SPMIP2: variants seen among roughly 807,000 people sequenced by gnomAD.
The protein encoded by SPMIP2 is protein SPMIP2.
At chr4:158,905,710 A>C in the SPMIP2 span, 11 of 132,374 alleles carry the variant, frequency 8.3e-5, no homozygotes, top group Non-Finnish European at 1.7e-4. Context: ...AAAAAAAAAA[A>C]CAACCTAATT....
At chr4:158,971,428 GTCT>G in the SPMIP2 span, among the ~76,000 whole-genome samples, 4 of 152,270 alleles carry the variant, frequency 2.6e-5, no homozygotes, top group East Asian at 5.8e-4. Flanking sequence ...TCAGAAACTG[GTCT>G]TCTTTGGAAT....
the SPMIP2 span, among the ~76,000 whole-genome samples, chr4:158,998,345 T>C: frequency 6.6e-6 from 1 of 152,256 alleles, no homozygotes; most frequent in Middle Eastern, 3.2e-3. Flanking sequence ...ATCTCCTTCT[T>C]GCATATTTTA....
chr4:158,910,968 T>TA, the SPMIP2 span, among the ~76,000 whole-genome samples: 2 of 152,176 alleles, frequency 1.3e-5, no homozygotes, highest in Non-Finnish European at 2.9e-5. Context: ...AATGATATGG[T>TA]ATGATAACCC....
At chr4:158,898,777 C>G in the SPMIP2 span, among the ~76,000 whole-genome samples, 13 of 152,200 alleles carry the variant, frequency 8.5e-5, no homozygotes, top group Non-Finnish European at 1.5e-4. Flanking sequence ...ATGTCATCTG[C>G]AAACAGAGAC....
chr4:158,893,635 ATTTT>A, the SPMIP2 span: 1 of 1,392,084 alleles, frequency 7.2e-7, no homozygotes, highest in Non-Finnish European at 1.0e-6. Flanking sequence ...TTATGATCTT[ATTTT>A]TTGTTATACA....
At chr4:158,910,314 C>T in the SPMIP2 span, among the ~76,000 whole-genome samples, 1 of 151,158 alleles carries the variant, frequency 6.6e-6, no homozygotes, top group African/African-American at 2.4e-5. Flanking sequence ...GCTCTTGTTG[C>T]CCAGGCTGGA....
At chr4:158,963,214 G>A in the SPMIP2 span, among the ~76,000 whole-genome samples, 1 of 152,082 alleles carries the variant, frequency 6.6e-6, no homozygotes, top group South Asian at 2.1e-4. Flanking sequence ...AGCATGCTAA[G>A]TGCTTTACAC....
chr4:158,927,283 TTATC>T, the SPMIP2 span, among the ~76,000 whole-genome samples: 16 of 152,188 alleles, frequency 1.1e-4, no homozygotes, highest in Admixed American at 9.8e-4. Context: ...GGAGACTAAA[TTATC>T]TGACATTAGA....
the SPMIP2 span, among the ~76,000 whole-genome samples, chr4:158,910,697 C>T: frequency 1.3e-5 from 2 of 152,200 alleles, no homozygotes; most frequent in African/African-American, 4.8e-5. Flanking sequence ...AAGAGAAAGA[C>T]TGAAGATCCC....
At chr4:159,011,094 C>G in the SPMIP2 span, among the ~76,000 whole-genome samples, 2 of 152,144 alleles carry the variant, frequency 1.3e-5, no homozygotes, top group South Asian at 4.2e-4. Context: ...AATTATTTAC[C>G]TCAAAGCTTG....
At chr4:159,045,660 T>G in the SPMIP2 span, among the ~76,000 whole-genome samples, 1 of 152,236 alleles carries the variant, frequency 6.6e-6, no homozygotes, top group African/African-American at 2.4e-5. Context: ...CACTGGGGTG[T>G]TCATTATCTG....
chr4:158,938,130 AC>A, the SPMIP2 span, among the ~76,000 whole-genome samples: 1 of 152,236 alleles, frequency 6.6e-6, no homozygotes, highest in African/African-American at 2.4e-5. Flanking sequence ...TTAGTATGAT[AC>A]CCATGCTGTC....
At chr4:159,074,989 C>T in the SPMIP2 span, among the ~76,000 whole-genome samples, 2 of 152,132 alleles carry the variant, frequency 1.3e-5, no homozygotes, top group Admixed American at 6.5e-5. Context: ...GGATGGAGCC[C>T]TTGCCCTCTC....
chr4:159,039,447 A>T, the SPMIP2 span, among the ~76,000 whole-genome samples: 1 of 151,816 alleles, frequency 6.6e-6, no homozygotes, highest in African/African-American at 2.4e-5. Context: ...AGTAAGAATG[A>T]CCCCCAGTTT....
At chr4:158,978,938 G>T in the SPMIP2 span, among the ~76,000 whole-genome samples, 4 of 152,152 alleles carry the variant, frequency 2.6e-5, no homozygotes, top group Admixed American at 6.6e-5. Flanking sequence ...CAACAGGCAG[G>T]AATGTTTAAG....
the SPMIP2 span, among the ~76,000 whole-genome samples, chr4:158,965,557 C>T: frequency 6.6e-6 from 1 of 151,838 alleles, no homozygotes; most frequent in African/African-American, 2.4e-5. Flanking sequence ...AAGTATGCTC[C>T]CCCCAAGTTA....
chr4:158,915,490 G>A, the SPMIP2 span: 19 of 789,460 alleles, frequency 2.4e-5, 2 homozygotes, highest in East Asian at 1.1e-4. Context: ...TAGGAAAGCT[G>A]AAGACCTGAC....
At chr4:158,984,460 A>G in the SPMIP2 span, among the ~76,000 whole-genome samples, 2 of 151,398 alleles carry the variant, frequency 1.3e-5, no homozygotes, top group African/African-American at 4.9e-5. Flanking sequence ...ATCAAACTAG[A>G]ACTCAGGATT....
the SPMIP2 span, among the ~76,000 whole-genome samples, chr4:158,951,121 T>C: frequency 6.6e-6 from 1 of 152,362 alleles, no homozygotes; most frequent in East Asian, 1.9e-4. Flanking sequence ...AGCTTCTTGA[T>C]GGTAGGTGCC....
Sources: allele counts gnomAD v4.1 joint callset (sites outside exome capture counted in the v4.1 genomes callset), GRCh38; gene constraint gnomAD v4.1.1; transcripts MANE v1.5; gene names NCBI Gene and HGNC (gene_info 2026-07-23, HGNC 2026-07-21).